Variants in TBC1D25 observed in about 807,000 individuals in gnomAD.
The protein encoded by TBC1D25 is 5SN3 snoRNA.
In TBC1D25, 13 loss-of-function variants were observed where a neutral mutation model predicts 38.8. The ratio of observed to expected loss-of-function variants is 0.34; its 90% CI spans 0.22 to 0.53. TBC1D25 has a LOEUF of 0.53. Among genes scored for constraint, TBC1D25 ranks in the 20% least tolerant of loss-of-function variants. The probability of loss-of-function intolerance (pLI) is 0.94; values close to 1 mark genes in which losing one functional copy is unlikely to be tolerated. For missense variants in TBC1D25, 372 were observed against 600.0 expected (o/e 0.62, Z 3.97); for synonymous variants, 225 against 255.6 (o/e 0.88, Z 1.14).
chrX:48,559,562 G>C (rs2062004165), intron 5 of TBC1D25, 52 bp from the exon 6 acceptor site: 1 of 1,178,923 alleles, frequency 8.5e-7, no homozygotes, highest in Non-Finnish European at 1.1e-6. Flanking sequence ...ATAGACATTG[G>C]GGTATGGTTT....
At position 48,561,776 on chromosome X, in the gene TBC1D25, A is replaced by T. The variant is rs1237278916; in HGVS notation, c.*801A>T. The T allele has an allele frequency of 8.9e-6, 1 of 112,705 alleles. No individual in the cohort carries two copies. Among genetic ancestry groups the T allele is most frequent in the Non-Finnish European group, 1.9e-5 (1 of 53,342 alleles). 9.3% of individuals were successfully genotyped at this position (112,705 alleles called of 1,213,427 possible). ...CTCACACAAGTGTGAAAGCCCAATC[A>T]TCACATTGTTGAATTACAAAAGGAT... On this transcript the variant is annotated 3_prime_UTR_variant, in exon 6 of 6. Coordinates refer to ENST00000376771, the MANE Select transcript of TBC1D25 (RefSeq NM_002536.4).
intron 2 of TBC1D25, among the ~76,000 whole-genome samples, chrX:48,542,490 CTTTT>C (rs781913912): frequency 1.1e-5 from 1 of 92,195 alleles, no homozygotes; most frequent in South Asian, 5.0e-4. Context: ...TTGATCTTCT[CTTTT>C]TTTTTTTTTT....
chrX:48,548,542 G>A lies in TBC1D25; in HGVS notation c.388+3519G>A, dbSNP rs187868470. Among the ~76,000 whole-genome samples the A allele has an allele frequency of 6.9e-4, 77 of 111,222 alleles. 2 individuals are homozygous for A. Among genetic ancestry groups the A allele is most frequent in the African/African-American group, 2.3e-3 (69 of 30,652 alleles). ...CTTATTATTCCATTAAAATCCTGAC[G>A]GGAATTTGATTGGAGTCATATTTTT... On this transcript the variant is annotated intron_variant, in intron 3 of 5. Transcript: ENST00000376771.
At chrX:48,557,226 CA>C (rs2061982776) in intron 3 of TBC1D25, among the ~76,000 whole-genome samples, 1 of 108,548 alleles carries the variant, frequency 9.2e-6, no homozygotes, top group Non-Finnish European at 1.9e-5. Context: ...AAGACTGTCT[CA>C]AAAAAAGAAA....
intron 3 of TBC1D25, among the ~76,000 whole-genome samples, chrX:48,549,997 T>A (rs2061916629): frequency 9.0e-6 from 1 of 110,921 alleles, no homozygotes; most frequent in Non-Finnish European, 1.9e-5. Flanking sequence ...ATTTAATTTT[T>A]TTTTTTGAGA....
At chrX:48,551,270 TTCAGA>T (rs2061929703) in intron 3 of TBC1D25, among the ~76,000 whole-genome samples, 1 of 112,093 alleles carries the variant, frequency 8.9e-6, no homozygotes, top group South Asian at 3.7e-4. Flanking sequence ...CTCCTGTCAG[TTCAGA>T]TCAGGTTTTG....
intron 3 of TBC1D25, among the ~76,000 whole-genome samples, chrX:48,557,682 A>G (rs1041763393): frequency 1.0e-4 from 11 of 108,497 alleles, no homozygotes; most frequent in African/African-American, 3.7e-4. Flanking sequence ...GGTGGCAGGC[A>G]CCTGTAATCC....
chrX:48,547,513 AAT>A (rs1556982086), intron 3 of TBC1D25, among the ~76,000 whole-genome samples: 1 of 112,077 alleles, frequency 8.9e-6, no homozygotes, highest in East Asian at 2.8e-4. Context: ...TCAGGAAAAA[AAT>A]CAAATCTGCA....
chrX:48,543,065 GA>G (rs1180218830), intron 2 of TBC1D25, among the ~76,000 whole-genome samples: 12 of 110,153 alleles, frequency 1.1e-4, no homozygotes, highest in African/African-American at 1.7e-4. Context: ...GTATGTATAT[GA>G]AAAAAAACAT....
At chrX:48,553,731 C>G (rs1569483072) in intron 3 of TBC1D25, among the ~76,000 whole-genome samples, 1 of 106,827 alleles carries the variant, frequency 9.4e-6, no homozygotes, top group Admixed American at 1.0e-4. Flanking sequence ...ATCCTCCCAC[C>G]CACCTCAGCC....
At chrX:48,540,020 A>G in intron 1 of TBC1D25, 100 bp downstream of exon 1, 2 of 924,713 alleles carry the variant, frequency 2.2e-6, no homozygotes, top group Non-Finnish European at 2.7e-6. Flanking sequence ...GATTTCGGAC[A>G]TAACCTGAGC....
At chrX:48,540,777 A>G (rs934565997) in intron 1 of TBC1D25, among the ~76,000 whole-genome samples, 1 of 112,035 alleles carries the variant, frequency 8.9e-6, no homozygotes, top group Non-Finnish European at 1.9e-5. Flanking sequence ...CTTCAGTGTA[A>G]TAGAGCTCTA....
intron 3 of TBC1D25, among the ~76,000 whole-genome samples, chrX:48,552,212 A>G (rs1057138533): frequency 9.0e-6 from 1 of 110,892 alleles, no homozygotes; most frequent in Non-Finnish European, 1.9e-5. Flanking sequence ...TTTGACACGT[A>G]GTCTCGCTCT....
At chrX:48,541,307 G>GC (rs2061836721) in intron 1 of TBC1D25, 26 bp from the exon 2 acceptor site, 1 of 1,200,385 alleles carries the variant, frequency 8.3e-7, no homozygotes, top group Non-Finnish European at 1.1e-6. Flanking sequence ...GCCCCTGGTG[G>GC]CCTACCCCAT....
chrX:48,546,342 T>C (rs1203417397), intron 3 of TBC1D25, among the ~76,000 whole-genome samples: 2 of 107,878 alleles, frequency 1.9e-5, no homozygotes, highest in Non-Finnish European at 1.9e-5. Context: ...TGAAACCCTG[T>C]CTTTACTAAA....
At chrX:48,559,055 T>G (rs370741913) in intron 4 of TBC1D25, 31 bp downstream of exon 4, 371 of 1,206,774 alleles carry the variant, frequency 3.1e-4, no homozygotes, top group Non-Finnish European at 4.0e-4. Flanking sequence ...GACCCAGCTG[T>G]GGTTGGAGGG....
In TBC1D25 at chrX:48,539,764, G is replaced by A. The variant is rs781912824; in HGVS notation, c.-34G>A. On this transcript the variant is annotated 5_prime_UTR_variant, in exon 1 of 6. Transcript: ENST00000376771. The stretch of plus-strand genomic sequence containing the variant: ...AGTGTGCGCCGGGGTGGGGGGCAAC[G>A]GTCAGCCGTCACCCTGAGACGGGCG... The A allele has an allele frequency of 4.2e-6, 4 of 950,603 alleles. No individual in the cohort carries two copies. Among genetic ancestry groups the A allele is most frequent in the South Asian group, 5.0e-5 (1 of 19,870 alleles). 78.3% of individuals were successfully genotyped at this position (950,603 alleles called of 1,213,427 possible).
At chrX:48,550,974 T>G (rs1225681490) in intron 3 of TBC1D25, among the ~76,000 whole-genome samples, 1 of 111,574 alleles carries the variant, frequency 9.0e-6, no homozygotes, top group African/African-American at 3.3e-5. Context: ...TAGCTATTCT[T>G]AAATGTGAAT....
intron 3 of TBC1D25, among the ~76,000 whole-genome samples, chrX:48,555,030 G>A (rs2061964505): frequency 8.9e-6 from 1 of 111,815 alleles, no homozygotes; most frequent in Non-Finnish European, 1.9e-5. Flanking sequence ...CAGACAGGGT[G>A]AGAAGATGGA....
Sources: allele counts gnomAD v4.1 joint callset (sites outside exome capture counted in the v4.1 genomes callset), GRCh38; gene constraint gnomAD v4.1.1; transcripts MANE v1.5; gene names NCBI Gene and HGNC (gene_info 2026-07-23, HGNC 2026-07-21).